The following GPLD1 variants were observed in gnomAD, a reference collection of about 807,000 sequenced individuals.
The protein encoded by GPLD1 is glycosylphosphatidylinositol specific phospholipase D1.
GPLD1 carries 84 observed loss-of-function variants against 112.6 expected under a neutral mutation model. The observed-to-expected ratio is 0.75, with a 90% CI of 0.63 to 0.89. The LOEUF is 0.89. GPLD1 is among the 40% of genes least tolerant of loss of function. GPLD1 has a pLI of 0.00. For synonymous variants in GPLD1, 386 were observed against 403.8 expected (o/e 0.96, Z 0.53); for missense variants, 1,044 against 1,051.5 (o/e 0.99, Z 0.10).
At chr6:24,461,790 C>A (rs1256367858) in intron 11 of GPLD1, among the ~76,000 whole-genome samples, 1 of 152,226 alleles carries the variant, frequency 6.6e-6, no homozygotes, top group African/African-American at 2.4e-5. Context: ...GGAACTGTTT[C>A]TGTCTTGTTC....
At chr6:24,438,014 G>A (rs574552086) in intron 20 of GPLD1, among the ~76,000 whole-genome samples, 1 of 152,236 alleles carries the variant, frequency 6.6e-6, no homozygotes, top group Non-Finnish European at 1.5e-5. Context: ...AGACAGCTGG[G>A]GCCCACAAAA....
intron 21 of GPLD1, 70 bp downstream of exon 21, chr6:24,437,043 C>A (rs1299053779): frequency 7.2e-7 from 1 of 1,388,708 alleles, no homozygotes. Flanking sequence ...GCCCAGATGA[C>A]CCAATTAGGG....
intron 2 of GPLD1, among the ~76,000 whole-genome samples, chr6:24,482,588 G>C (rs1764240940): frequency 6.6e-6 from 1 of 152,052 alleles, no homozygotes; most frequent in Non-Finnish European, 1.5e-5. Context: ...GATAATTTTT[G>C]TATTCTTTAG....
chr6:24,486,807 G>A (rs772098715), intron 1 of GPLD1, among the ~76,000 whole-genome samples: 2 of 91,960 alleles, frequency 2.2e-5, no homozygotes, highest in African/African-American at 9.1e-5. Flanking sequence ...AACAGAGCGA[G>A]GCTCTGTCTC....
chr6:24,430,851 T>C (rs1208435604), intron 24 of GPLD1, among the ~76,000 whole-genome samples: 2 of 152,202 alleles, frequency 1.3e-5, no homozygotes, highest in Non-Finnish European at 2.9e-5. Context: ...GAAGTAATTT[T>C]AACACTAACC....
intron 12 of GPLD1, among the ~76,000 whole-genome samples, chr6:24,456,905 T>G (rs1245007442): frequency 6.6e-6 from 1 of 152,134 alleles, no homozygotes; most frequent in Non-Finnish European, 1.5e-5. Context: ...GAGTTATCGC[T>G]CTGTCACCAG....
At chr6:24,449,981 C>T (rs1763028597) in intron 14 of GPLD1, 82 bp from the exon 15 acceptor site, 2 of 923,796 alleles carry the variant, frequency 2.2e-6, no homozygotes, top group Non-Finnish European at 3.4e-6. Flanking sequence ...AGTAGAGAGG[C>T]CTGGGACAAC....
chr6:24,475,688 CAAAAA>C (rs35291266), intron 4 of GPLD1, among the ~76,000 whole-genome samples: 1 of 113,316 alleles, frequency 8.8e-6, no homozygotes, highest in African/African-American at 3.5e-5. Flanking sequence ...ACTAAAAATA[CAAAAA>C]AAAAAAAAAA....
At chr6:24,463,662 A>G (rs1278784460) in intron 10 of GPLD1, among the ~76,000 whole-genome samples, 1 of 152,236 alleles carries the variant, frequency 6.6e-6, no homozygotes, top group Non-Finnish European at 1.5e-5. Context: ...TTGGCAATGT[A>G]ACTACCACTA....
intron 12 of GPLD1, among the ~76,000 whole-genome samples, 154 bp downstream of exon 12, chr6:24,460,125 T>A (rs932762866): frequency 1.3e-5 from 2 of 152,162 alleles, no homozygotes; most frequent in Non-Finnish European, 2.9e-5. Flanking sequence ...CTCAAACTCC[T>A]GGACTCAAGG....
At position 24,466,815 on chromosome 6, in the gene GPLD1, T is replaced by A. The variant is rs747774285; in HGVS notation, c.686A>T (p.Tyr229Phe). 2 of 1,607,526 alleles carry A rather than the reference T, an allele frequency of 1.2e-6. No homozygotes were observed. The highest frequency in any genetic ancestry group is 1.7e-6 in the Non-Finnish European group (2 of 1,175,420). ...YGEMLAVSKL[Y>F]PTYSTKSPFL... ...CGGGGACTTTGTAGAGTAAGTGGGA[T>A]ATAACTATGGCAGAGAGAAAGAAAA... The change falls in exon 10 of 25, where the codon TAT becomes TTT. Residue 229 changes from tyrosine (Y) to phenylalanine (F), a missense_variant. By Grantham distance (22) the Tyr-to-Phe change is conservative. Coordinates refer to ENST00000230036, the MANE Select transcript of GPLD1 (RefSeq NM_001503.4).
At chr6:24,488,411 CAAA>C (rs11304420) in intron 1 of GPLD1, among the ~76,000 whole-genome samples, 4 of 135,402 alleles carry the variant, frequency 3.0e-5, no homozygotes, top group Non-Finnish European at 1.7e-5. Context: ...GACTCCGTCT[CAAA>C]AAAAAAAAAA....
chr6:24,491,445 T>C (rs1459707206), upstream of GPLD1, among the ~76,000 whole-genome samples: 1 of 152,090 alleles, frequency 6.6e-6, no homozygotes, highest in Non-Finnish European at 1.5e-5. Context: ...ACGCCTATAA[T>C]CCCAGCACTT....
At chr6:24,457,240 G>A (rs1007979516) in intron 12 of GPLD1, among the ~76,000 whole-genome samples, 1 of 152,182 alleles carries the variant, frequency 6.6e-6, no homozygotes, top group Non-Finnish European at 1.5e-5. Flanking sequence ...AGCACTTTAG[G>A]AGGCTGAGAC....
rs1139461 is a variant in GPLD1, at chr6:24,479,893, T to C, written c.220A>G (p.Ile74Val). The change falls in exon 3 of 25, where the codon ATC (isoleucine) becomes GTC (valine). Residue 74 changes from isoleucine to valine, a missense_variant. Physicochemically the swap from Ile to Val is conservative, Grantham distance 29 (BLOSUM62 3). Coordinates refer to ENST00000230036, the MANE Select transcript of GPLD1 (RefSeq NM_001503.4). The stretch of plus-strand genomic sequence containing the variant: ...ACTTTCATCTTACCTCCTTTGCAGA[T>C]GCTAGGGTAAAAACAATCAGGAAAC... The part of the protein sequence containing the change: ...IVFPDCFYPS[I>V]CKGGKFHDVS... 1.6e-5 allele frequency: 25 copies of C among 1,602,428 alleles called. No homozygotes were observed. Among genetic ancestry groups the C allele is most frequent in the African/African-American group, 2.7e-5 (2 of 74,620 alleles).
chr6:24,475,750 TG>T (rs1763993171), intron 4 of GPLD1, among the ~76,000 whole-genome samples: 1 of 147,632 alleles, frequency 6.8e-6, no homozygotes, highest in Admixed American at 6.8e-5. Context: ...CCCAGTTACT[TG>T]GGAGGCTGAG....
rs1383014303 is a variant in GPLD1 at position 24,440,159 on chromosome 6, G to GA, written c.2021-2871dup. Among the ~76,000 whole-genome samples the GA allele has an allele frequency of 3.3e-5, 5 of 151,982 alleles. No homozygotes were observed. The East Asian group carries it at 9.7e-4, about 29-fold the overall frequency. On this transcript the variant is annotated intron_variant, in intron 20 of 24. Transcript: ENST00000230036. ...TAATGTGGTTCATATTTGTGTCTCA[G>GA]AAAAACTATAAACTTGCCAGGCATG...
chr6:24,433,213 G>A lies in GPLD1; in HGVS notation c.2410C>T (p.Leu804Phe). The A allele has an allele frequency of 6.2e-7, 1 of 1,613,212 alleles. No homozygotes were observed. The highest frequency in any genetic ancestry group is 8.5e-7 in the Non-Finnish European group (1 of 1,179,160). Reference sequence around the variant, plus strand: ...TTTGCCTTGGACCTCACGGTGATGAGGGAGCTCCCAAACCTTGAGCTGGCC... The same window carrying A: ...TTTGCCTTGGACCTCACGGTGATGAAGGAGCTCCCAAACCTTGAGCTGGCC... Reference protein sequence around the residue: ...PEASSRFGSSLITVRSKAKNQ... With the variant: ...PEASSRFGSSFITVRSKAKNQ... The change falls in exon 24 of 25, where the codon CTC (leucine) becomes TTC (phenylalanine). Residue 804 changes from leucine (L) to phenylalanine (F), a missense_variant. Coordinates refer to ENST00000230036, the MANE Select transcript of GPLD1 (RefSeq NM_001503.4).
intron 20 of GPLD1, among the ~76,000 whole-genome samples, chr6:24,438,596 G>A (rs1762650706): frequency 6.6e-6 from 1 of 152,182 alleles, no homozygotes; most frequent in Non-Finnish European, 1.5e-5. Context: ...AGATATAACA[G>A]CTAGAAAACA....
Sources: gnomAD v4.1 joint callset for allele counts (sites outside exome capture counted in the v4.1 genomes callset) on GRCh38, gnomAD v4.1.1 for gene constraint, MANE v1.5 for transcripts, NCBI Gene and HGNC (gene_info 2026-07-23, HGNC 2026-07-21) for gene names.